The following SHB variants were observed in gnomAD, a reference collection of about 807,000 sequenced individuals.
SHB encodes SH2 domain-containing adapter protein B.
Under a neutral mutation model 52.3 loss-of-function variants are expected in SHB, and 20 were observed. The observed-to-expected ratio is 0.38, with a 90% confidence interval of 0.27 to 0.56. The LOEUF is 0.56. Among genes scored for constraint, SHB ranks in the 20% least tolerant of loss-of-function variants. The probability of loss-of-function intolerance (pLI) is 0.71; values close to 1 mark genes in which losing one functional copy is unlikely to be tolerated. For synonymous variants in SHB, 397 were observed against 316.5 expected (o/e 1.25, Z -2.70); for missense variants, 825 against 723.3 (o/e 1.14, Z -1.61).
At chr9:37,946,176 G>A (rs75227154) in intron 5 of SHB, among the ~76,000 whole-genome samples, 3,754 of 152,338 alleles carry the variant, frequency 0.025, 88 homozygotes, top group East Asian at 0.088. Flanking sequence ...AGTGAGTGCA[G>A]GAGGCCAGGC....
intron 1 of SHB, among the ~76,000 whole-genome samples, chr9:38,028,615 T>C (rs138943177): frequency 6.4e-4 from 98 of 152,350 alleles, no homozygotes; most frequent in African/African-American, 2.0e-3. Context: ...GTGGCACCTC[T>C]AACCCGGCAA....
At chr9:37,972,332 G>T (rs1820599468) in intron 3 of SHB, among the ~76,000 whole-genome samples, 2 of 152,162 alleles carry the variant, frequency 1.3e-5, no homozygotes, top group Non-Finnish European at 2.9e-5. Context: ...ACAGACCTTG[G>T]GTTCCTTTGG....
chr9:37,958,356 G>A (rs188821104), intron 3 of SHB, among the ~76,000 whole-genome samples: 2 of 152,292 alleles, frequency 1.3e-5, no homozygotes, highest in African/African-American at 4.8e-5. Flanking sequence ...AGAGAAGGAC[G>A]ACTACTGGTG....
At chr9:38,014,819 C>A (rs1442292888) in intron 2 of SHB, among the ~76,000 whole-genome samples, 1 of 152,228 alleles carries the variant, frequency 6.6e-6, no homozygotes, top group Non-Finnish European at 1.5e-5. Flanking sequence ...GATCCTTCAA[C>A]AATCAACCTG....
intron 2 of SHB, among the ~76,000 whole-genome samples, chr9:38,013,447 C>A (rs981645700): frequency 6.6e-6 from 1 of 152,144 alleles, no homozygotes; most frequent in African/African-American, 2.4e-5. Context: ...ACTAAAACTA[C>A]AAGAAAATTA....
rs906864125 is a variant in SHB, at chr9:38,068,707, G to A, written c.-62C>T. 3.3e-6 allele frequency: 4 copies of A among 1,201,070 alleles called. No homozygotes were observed. The highest frequency in any genetic ancestry group is 9.0e-5 in the Admixed American group (2 of 22,158). 74.4% of individuals were successfully genotyped at this position (1,201,070 alleles called of 1,614,324 possible). A position where few individuals can be genotyped will look rare whatever the true frequency, so the allele number is the denominator to read the frequency against. On this transcript the variant is annotated 5_prime_UTR_variant, in exon 1 of 6. Coordinates refer to ENST00000377707, the MANE Select transcript of SHB (RefSeq NM_003028.3). ...GGTCCGCCGCCGCGGCCATTCGGGG[G>A]GCAGCGCTGCGGCGCAGGTCCCTCG...
At chr9:37,982,833 T>C (rs1261584730) in intron 2 of SHB, among the ~76,000 whole-genome samples, 2 of 151,922 alleles carry the variant, frequency 1.3e-5, no homozygotes, top group Non-Finnish European at 2.9e-5. Context: ...TCTAATGAAA[T>C]GATACATAAC....
chr9:37,992,891 A>G (rs1820900660), intron 2 of SHB, among the ~76,000 whole-genome samples: 1 of 152,066 alleles, frequency 6.6e-6, no homozygotes, highest in Non-Finnish European at 1.5e-5. Context: ...ACACACACAC[A>G]CACACACAGT....
chr9:37,995,200 T>A (rs1820933303), intron 2 of SHB, among the ~76,000 whole-genome samples: 1 of 152,050 alleles, frequency 6.6e-6, no homozygotes, highest in Non-Finnish European at 1.5e-5. Flanking sequence ...GCACTTCAGA[T>A]TTCACTCACG....
chr9:37,923,982 C>G (rs1050016944), intron 5 of SHB, among the ~76,000 whole-genome samples: 1 of 152,246 alleles, frequency 6.6e-6, no homozygotes, highest in African/African-American at 2.4e-5. Flanking sequence ...GCACCGTCAT[C>G]AGCACCATCG....
chr9:38,025,067 C>A (rs1009811838), intron 1 of SHB, among the ~76,000 whole-genome samples: 1 of 152,208 alleles, frequency 6.6e-6, no homozygotes, highest in African/African-American at 2.4e-5. Flanking sequence ...CAGGTCCACA[C>A]GATTTCTTCA....
intron 2 of SHB, among the ~76,000 whole-genome samples, chr9:37,975,972 G>A (rs1050922112): frequency 4.6e-5 from 7 of 152,180 alleles, no homozygotes; most frequent in Admixed American, 6.5e-5. Context: ...TGGAAAGAAC[G>A]TGCTTGCTGC....
chr9:37,956,742 A>G (rs977456538), intron 3 of SHB, among the ~76,000 whole-genome samples: 1 of 152,204 alleles, frequency 6.6e-6, no homozygotes, highest in Non-Finnish European at 1.5e-5. Flanking sequence ...AAGAGCAGAA[A>G]GCGCTGAGCT....
intron 1 of SHB, among the ~76,000 whole-genome samples, chr9:38,021,785 G>A (rs967325016): frequency 3.9e-5 from 6 of 152,150 alleles, no homozygotes; most frequent in African/African-American, 1.4e-4. Context: ...TGCTGTCTGT[G>A]GGACAGCACA....
Position 38,068,200 on chromosome 9 carries a change from G to A in SHB, c.446C>T (p.Ala149Val). ...CCCASSGAGA[A>V]ASSSSSSGSP... Reference sequence around the variant, plus strand: ...GCCGGAGGACGAGGACGAGGACGCGGCGGCCCCCGCGCCCGAGGAGGCGCA... The same window carrying A: ...GCCGGAGGACGAGGACGAGGACGCGACGGCCCCCGCGCCCGAGGAGGCGCA... Residue 149 changes from alanine to valine, a missense_variant, in exon 1 of 6, where the codon GCC (alanine) becomes GTC (valine). Physicochemically the swap from Ala to Val is moderately conservative, Grantham distance 64. Coordinates refer to ENST00000377707, the MANE Select transcript of SHB (RefSeq NM_003028.3). The A allele has an allele frequency of 2.1e-6, 3 of 1,401,224 alleles. No individual in the cohort carries two copies. In the South Asian group the frequency reaches 4.9e-5, roughly 23 times the overall value. 86.8% of individuals were successfully genotyped at this position (1,401,224 alleles called of 1,614,324 possible). A position where few individuals can be genotyped will look rare whatever the true frequency, so the allele number is the denominator to read the frequency against.
chr9:38,016,223 G>A (rs1481313487), intron 1 of SHB, 92 bp from the exon 2 acceptor site: 2 of 1,382,458 alleles, frequency 1.4e-6, no homozygotes, highest in African/African-American at 1.4e-5. Context: ...AGCTAGATGA[G>A]CAAGGAGAGG....
intron 5 of SHB, among the ~76,000 whole-genome samples, chr9:37,936,302 A>G (rs1017175458): frequency 1.3e-5 from 2 of 152,208 alleles, no homozygotes; most frequent in Non-Finnish European, 2.9e-5. Context: ...AAATAAAAAG[A>G]AGATAAAAAC....
At chr9:37,945,943 T>C (rs1564084922) in intron 5 of SHB, among the ~76,000 whole-genome samples, 1 of 152,134 alleles carries the variant, frequency 6.6e-6, no homozygotes, top group Non-Finnish European at 1.5e-5. Flanking sequence ...TATCCAGAAT[T>C]CTGGACAATG....
rs754253060 is a variant in SHB at position 37,956,058 on chromosome 9, T to C, written c.1055-4A>G. ...TTCTCGTTGCCATTAAACTGTGCTG[T>C]GGGGAGAGAGAGAAAGTGCAGGGTT... On this transcript the variant is annotated splice_region_variant and splice_polypyrimidine_tract_variant and intron_variant, in intron 3 of 5. Transcript: ENST00000377707. 1 of 1,555,604 alleles carries C rather than the reference T, an allele frequency of 6.4e-7. No individual in the cohort carries two copies. Among genetic ancestry groups the C allele is most frequent in the African/African-American group, 1.4e-5 (1 of 73,632 alleles).
Sources: gnomAD v4.1 joint callset for allele counts (sites outside exome capture counted in the v4.1 genomes callset) on GRCh38, gnomAD v4.1.1 for gene constraint, MANE v1.5 for transcripts, NCBI Gene and HGNC (gene_info 2026-07-23, HGNC 2026-07-21) for gene names.